NAALADL2: variants seen among roughly 807,000 people sequenced by gnomAD.
NAALADL2 encodes the protein inactive N-acetylated-alpha-linked acidic dipeptidase-like protein 2.
Under a neutral mutation model 87.2 loss-of-function variants are expected in NAALADL2, and 76 were observed. The observed-to-expected ratio is 0.87, with a 90% CI of 0.72 to 1.05. The LOEUF is 1.05. Among genes scored for constraint, NAALADL2 ranks in the 50% least tolerant of loss-of-function variants. NAALADL2 has a pLI of 0.00. For synonymous variants in NAALADL2, 354 were observed against 331.0 expected, an observed-to-expected ratio of 1.07 and a Z score of -0.75; for missense variants, 1,089 against 945.8, an observed-to-expected ratio of 1.15 and a Z score of -1.99.
At chr3:175,704,389 AT>A (rs1183545718) in intron 11 of NAALADL2, among the ~76,000 whole-genome samples, 3 of 152,172 alleles carry the variant, frequency 2.0e-5, no homozygotes, top group African/African-American at 7.2e-5. Flanking sequence ...CATACATATA[AT>A]ACTTCTGCAC....
chr3:175,576,233 G>T, intron 10 of NAALADL2, 46 bp downstream of exon 10: 2 of 1,527,566 alleles, frequency 1.3e-6, no homozygotes, highest in South Asian at 2.4e-5. Flanking sequence ...CAATATAGTA[G>T]ACCTGCAGAA....
At chr3:174,882,771 GTA>G (rs1392564509) in intron 1 of NAALADL2, among the ~76,000 whole-genome samples, 3 of 131,532 alleles carry the variant, frequency 2.3e-5, no homozygotes, top group Non-Finnish European at 3.4e-5. Flanking sequence ...ATACACACGT[GTA>G]TATATACATA....
At chr3:174,822,767 A>C in intron 3 of NAALADL2, among the ~76,000 whole-genome samples, 1 of 152,202 alleles carries the variant, frequency 6.6e-6, no homozygotes, top group Admixed American at 6.6e-5. Context: ...CCAGAATGCA[A>C]CTATGGGAAC....
At chr3:174,651,435 G>A (rs1046385585) in intron 2 of NAALADL2, among the ~76,000 whole-genome samples, 3 of 152,282 alleles carry the variant, frequency 2.0e-5, no homozygotes, top group Admixed American at 6.5e-5. Flanking sequence ...TTAAGAAAAG[G>A]CATTGAAAGA....
At chr3:175,257,475 C>T (rs1258811523) in intron 4 of NAALADL2, among the ~76,000 whole-genome samples, 1 of 151,392 alleles carries the variant, frequency 6.6e-6, no homozygotes, top group Non-Finnish European at 1.5e-5. Flanking sequence ...ACAGAATATA[C>T]AGTGATACTA....
At chr3:174,589,046 C>T (rs1036336953) in intron 2 of NAALADL2, among the ~76,000 whole-genome samples, 2 of 152,166 alleles carry the variant, frequency 1.3e-5, no homozygotes, top group African/African-American at 2.4e-5. Flanking sequence ...TTCCCAGCCA[C>T]TTTGTTTACC....
At chr3:175,214,195 A>G (rs1301822624) in intron 2 of NAALADL2, among the ~76,000 whole-genome samples, 3 of 152,136 alleles carry the variant, frequency 2.0e-5, no homozygotes, top group South Asian at 4.1e-4. Context: ...ACATGACAGC[A>G]TTTTTACCTA....
rs1428191119 is a variant in NAALADL2, at chr3:175,806,507, A to G, written c.*3304A>G. 2 of 151,868 alleles carry G rather than the reference A, an allele frequency of 1.3e-5. No individual in the cohort carries two copies. Among genetic ancestry groups the G allele is most frequent in the Non-Finnish European group, 2.9e-5 (2 of 67,868 alleles). 9.4% of individuals were successfully genotyped at this position (151,868 alleles called of 1,614,324 possible). A position where few individuals can be genotyped will look rare whatever the true frequency, so the allele number is the denominator to read the frequency against. On this transcript the variant is annotated 3_prime_UTR_variant, in exon 14 of 14. Transcript: ENST00000454872. ...GTAGTTTCCAAGAAAACACTAATTG[A>G]CATTTCTAAATAAATTGAAGAGTCA...
At chr3:175,645,831 G>T (rs1403711293) in intron 11 of NAALADL2, among the ~76,000 whole-genome samples, 1 of 152,026 alleles carries the variant, frequency 6.6e-6, no homozygotes, top group Non-Finnish European at 1.5e-5. Context: ...CCAATAAATT[G>T]GGGGTTTCAA....
chr3:174,844,258 C>T (rs1478300195), intron 3 of NAALADL2, among the ~76,000 whole-genome samples: 1 of 152,120 alleles, frequency 6.6e-6, no homozygotes, highest in Non-Finnish European at 1.5e-5. Context: ...GGGTTTTCCC[C>T]AATTTGCCCT....
At chr3:174,518,143 T>C (rs1720046349) in intron 1 of NAALADL2, among the ~76,000 whole-genome samples, 1 of 152,108 alleles carries the variant, frequency 6.6e-6, no homozygotes, top group African/African-American at 2.4e-5. Context: ...TGGCCCAGGT[T>C]ACAACATCTT....
At chr3:175,588,581 G>C (rs575506998) in intron 10 of NAALADL2, among the ~76,000 whole-genome samples, 3 of 114,000 alleles carry the variant, frequency 2.6e-5, no homozygotes, top group Non-Finnish European at 3.4e-5. Flanking sequence ...CTCTGTCGCC[G>C]AGGCTGGAGT....
chr3:174,908,020 G>GT (rs1733177022), intron 1 of NAALADL2, among the ~76,000 whole-genome samples: 1 of 111,866 alleles, frequency 8.9e-6, no homozygotes, highest in South Asian at 2.8e-4. Flanking sequence ...GAGAGAAGTT[G>GT]GTTTTTTTTT....
intron 3 of NAALADL2, among the ~76,000 whole-genome samples, chr3:174,774,595 A>C (rs1578872699): frequency 6.6e-6 from 1 of 152,144 alleles, no homozygotes; most frequent in African/African-American, 2.4e-5. Context: ...GCCTCATCTT[A>C]CTAAGTACAT....
intron 2 of NAALADL2, among the ~76,000 whole-genome samples, chr3:174,590,886 GA>G (rs113857875): frequency 0.012 from 1,692 of 145,282 alleles, 17 homozygotes; most frequent in Non-Finnish European, 0.018. Context: ...GAAATGAAAG[GA>G]AAAAAAAAAA....
At chr3:175,691,062 C>T (rs1170598821) in intron 11 of NAALADL2, among the ~76,000 whole-genome samples, 1 of 151,496 alleles carries the variant, frequency 6.6e-6, no homozygotes, top group Non-Finnish European at 1.5e-5. Flanking sequence ...AAGTTTTAAA[C>T]CTGGAAAACC....
rs1344358112 is a variant in NAALADL2, at chr3:175,696,426, T to C, written c.1897-40880T>C. Among the ~76,000 whole-genome samples the C allele has an allele frequency of 3.3e-5, 5 of 152,224 alleles. No individual in the cohort carries two copies. The East Asian group carries it at 7.7e-4, about 24-fold the overall frequency. ...AGCTTGGGGGATCATTTGGAAGTCC[T>C]TTTAGCCAGGGCTTGAGAGAAAAGA... On this transcript the variant is annotated intron_variant, in intron 11 of 13. Coordinates refer to ENST00000454872, the MANE Select transcript of NAALADL2 (RefSeq NM_207015.3).
chr3:175,350,966 T>A (rs1763694149), intron 5 of NAALADL2, among the ~76,000 whole-genome samples: 1 of 152,130 alleles, frequency 6.6e-6, no homozygotes, highest in Admixed American at 6.6e-5. Context: ...CAGAAATAGA[T>A]GATTTTATAA....
intron 2 of NAALADL2, among the ~76,000 whole-genome samples, chr3:175,162,186 C>T (rs1733327806): frequency 2.6e-5 from 4 of 152,144 alleles, no homozygotes; most frequent in Admixed American, 2.6e-4. Context: ...CCTTCTCTCT[C>T]TTTCTTAACC....
Sources: allele counts gnomAD v4.1 joint callset (sites outside exome capture counted in the v4.1 genomes callset), GRCh38; gene constraint gnomAD v4.1.1; transcripts MANE v1.5; gene names NCBI Gene and HGNC (gene_info 2026-07-23, HGNC 2026-07-21).